MAGI2: variants seen among roughly 807,000 people sequenced by gnomAD.
MAGI2 encodes membrane-associated guanylate kinase, WW and PDZ domain-containing protein 2.
Under a neutral mutation model 133.3 loss-of-function variants are expected in MAGI2, and 35 were observed. That is an observed-to-expected ratio of 0.26 (90% CI 0.20 to 0.35). MAGI2 has a LOEUF of 0.35. Ranked by LOEUF, MAGI2 falls within the 10% of genes least tolerant of loss-of-function variation. The probability of loss-of-function intolerance (pLI) is 1.00; values close to 1 mark genes in which losing one functional copy is unlikely to be tolerated. For synonymous variants in MAGI2, 729 were observed against 710.6 expected (o/e 1.03, Z -0.41); for missense variants, 1,636 against 1,863.4 (o/e 0.88, Z 2.25).
intron 21 of MAGI2, among the ~76,000 whole-genome samples, chr7:78,070,606 G>GTA (rs200495407): frequency 0.099 from 4,856 of 48,926 alleles, 222 homozygotes; most frequent in East Asian, 0.3. Context: ...GTATATATGT[G>GTA]TATATATATA....
chr7:78,438,056 T>C (rs1419123820), intron 6 of MAGI2, among the ~76,000 whole-genome samples: 2 of 152,156 alleles, frequency 1.3e-5, no homozygotes, highest in Non-Finnish European at 2.9e-5. Context: ...TTTGTTCCCT[T>C]CATCCTTGGT....
chr7:78,599,242 C>A lies in MAGI2; in HGVS notation c.538+27878G>T, dbSNP rs543379670. 2.0e-5 allele frequency among the ~76,000 whole-genome samples: 3 copies of A among 152,258 alleles called. No individual in the cohort carries two copies. The South Asian group carries it at 6.2e-4, about 32-fold the overall frequency. On this transcript the variant is annotated intron_variant, in intron 3 of 21. Transcript: ENST00000354212. ...TTCCTACCTTTTCATTACCCAGTTC[C>A]ATTTTTGTATACTTAAAAGGCACAT...
In MAGI2 at chr7:79,317,315, C is replaced by G. The variant is rs1193813782; in HGVS notation, c.301+135705G>C. Among the ~76,000 whole-genome samples the G allele has an allele frequency of 2.0e-5, 3 of 152,150 alleles. No homozygotes were observed. In the East Asian group the frequency reaches 5.8e-4, roughly 30 times the overall value. On this transcript the variant is annotated intron_variant, in intron 1 of 21. Coordinates refer to ENST00000354212, the MANE Select transcript of MAGI2 (RefSeq NM_012301.4). ...TTGGGATTACAGGCATGAGCCTGCA[C>G]GCCCAGCCAAACTGTAGCTTTTAGA...
chr7:78,632,801 T>C (rs973514444), intron 2 of MAGI2, among the ~76,000 whole-genome samples: 4 of 152,164 alleles, frequency 2.6e-5, no homozygotes, highest in African/African-American at 7.2e-5. Flanking sequence ...TATTAGAGTG[T>C]AAATTAGTTC....
intron 1 of MAGI2, among the ~76,000 whole-genome samples, chr7:79,278,810 G>A (rs555838261): frequency 3.3e-5 from 5 of 152,130 alleles, no homozygotes; most frequent in African/African-American, 9.7e-5. Flanking sequence ...CTGCTACTTA[G>A]GTGGCCTTGG....
At chr7:79,320,645 G>C (rs1170491771) in intron 1 of MAGI2, among the ~76,000 whole-genome samples, 9 of 152,068 alleles carry the variant, frequency 5.9e-5, no homozygotes, top group Non-Finnish European at 2.9e-5. Context: ...TGGAGCTAAT[G>C]CCTGTTTTAA....
intron 1 of MAGI2, among the ~76,000 whole-genome samples, chr7:79,234,845 G>A (rs1378597042): frequency 2.6e-5 from 4 of 151,486 alleles, no homozygotes; most frequent in Non-Finnish European, 4.4e-5. Flanking sequence ...GAGGAACTGC[G>A]TTCCTTTGGA....
At chr7:78,354,703 C>A (rs1791879288) in intron 7 of MAGI2, among the ~76,000 whole-genome samples, 2 of 151,964 alleles carry the variant, frequency 1.3e-5, no homozygotes. Context: ...AGGAGGAAAT[C>A]AAATATATAG....
intron 9 of MAGI2, among the ~76,000 whole-genome samples, chr7:78,319,401 T>C (rs1315905122): frequency 6.6e-6 from 1 of 152,180 alleles, no homozygotes; most frequent in African/African-American, 2.4e-5. Context: ...CCTCAGAAAG[T>C]GCAAAAGAAC....
intron 10 of MAGI2, among the ~76,000 whole-genome samples, chr7:78,250,747 A>G (rs533665580): frequency 3.3e-5 from 5 of 152,234 alleles, no homozygotes; most frequent in Admixed American, 1.3e-4. Flanking sequence ...TTAATAACTA[A>G]AAACCTTCCT....
chr7:78,515,348 C>T (rs543636894), intron 4 of MAGI2, among the ~76,000 whole-genome samples: 15 of 152,208 alleles, frequency 9.9e-5, no homozygotes, highest in African/African-American at 3.6e-4. Context: ...AAATGCACTT[C>T]TGTATACTTT....
intron 2 of MAGI2, among the ~76,000 whole-genome samples, chr7:78,729,477 A>G (rs923627969): frequency 6.6e-6 from 1 of 152,212 alleles, no homozygotes; most frequent in African/African-American, 2.4e-5. Flanking sequence ...TGCCCACTCA[A>G]ACACTGTTAA....
chr7:79,295,653 C>A (rs1310006215), intron 1 of MAGI2, among the ~76,000 whole-genome samples: 1 of 151,814 alleles, frequency 6.6e-6, no homozygotes, highest in East Asian at 1.9e-4. Context: ...TCATTTACCT[C>A]TGGTCTAGGG....
At position 78,278,545 on chromosome 7, in the gene MAGI2, T is replaced by C. The variant is rs75251739; in HGVS notation, c.1409-21964A>G. On this transcript the variant is annotated intron_variant, in intron 9 of 21. Transcript: ENST00000354212. ...GTGATGGATAGTTTTATGTGTCAAG[T>C]TGGCTAGACTGTAGTCCCAATTATT... 6.9e-3 allele frequency among the ~76,000 whole-genome samples: 1,049 copies of C among 152,246 alleles called. 28 individuals are homozygous for C. The highest frequency in any genetic ancestry group is 0.058 in the East Asian group (301 of 5,172).
intron 1 of MAGI2, among the ~76,000 whole-genome samples, chr7:79,170,993 A>G (rs780918817): frequency 6.6e-6 from 1 of 152,134 alleles, no homozygotes; most frequent in Admixed American, 6.6e-5. Flanking sequence ...CATATATCAT[A>G]AACTATCATA....
chr7:79,367,228 A>C (rs1842760386), intron 1 of MAGI2, among the ~76,000 whole-genome samples: 1 of 152,232 alleles, frequency 6.6e-6, no homozygotes, highest in Admixed American at 6.5e-5. Flanking sequence ...AGAAGAAATG[A>C]CTATGAATAT....
At chr7:78,807,736 A>G (rs1483930395) in intron 2 of MAGI2, among the ~76,000 whole-genome samples, 1 of 152,216 alleles carries the variant, frequency 6.6e-6, no homozygotes, top group East Asian at 1.9e-4. Flanking sequence ...AAAATAAAAT[A>G]TAAATTACTT....
intron 1 of MAGI2, among the ~76,000 whole-genome samples, chr7:79,146,567 T>C (rs565050822): frequency 3.8e-4 from 58 of 152,298 alleles, no homozygotes; most frequent in African/African-American, 1.3e-3. Flanking sequence ...CTGAATCATG[T>C]AGGTGGTTTC....
rs577205319 is a variant in MAGI2, at chr7:79,303,044, C to A, written c.301+149976G>T. Among the ~76,000 whole-genome samples, 7 of 152,222 alleles carry A rather than the reference C, an allele frequency of 4.6e-5. No homozygotes were observed. In the South Asian group the frequency reaches 1.2e-3, roughly 27 times the overall value. On this transcript the variant is annotated intron_variant, in intron 1 of 21. Transcript: ENST00000354212. ...TATTTCTTCAGAGTCCATTAAATCC[C>A]AAACTTAGCAAAGTTTGATAGAGTC...
Sources: gnomAD v4.1 joint callset for allele counts (sites outside exome capture counted in the v4.1 genomes callset) on GRCh38, gnomAD v4.1.1 for gene constraint, MANE v1.5 for transcripts, NCBI Gene and HGNC (gene_info 2026-07-23, HGNC 2026-07-21) for gene names.